Variants in ZNF469 observed in about 807,000 individuals in gnomAD.
ZNF469 encodes the protein zinc finger protein 469.
A neutral mutation model predicts 1.0 loss-of-function variants in ZNF469; 1 was observed. That is an observed-to-expected ratio of 1.00 (90% CI 0.35 to 4.73). The LOEUF is 4.73. ZNF469 is among the 30% of genes most tolerant of loss of function. The pLI is 0.16. For synonymous variants in ZNF469, 2,703 were observed against 2,363.4 expected, an observed-to-expected ratio of 1.14 and a Z score of -4.17; for missense variants, 6,100 against 5,356.3, an observed-to-expected ratio of 1.14 and a Z score of -4.33.
chr16:88,188,168 G>A, the ZNF469 span, among the ~76,000 whole-genome samples: 1 of 152,154 alleles, frequency 6.6e-6, no homozygotes, highest in African/African-American at 2.4e-5. Context: ...CTTCCTTGCT[G>A]CCCTGGACAA....
the ZNF469 span, among the ~76,000 whole-genome samples, chr16:88,354,412 G>A: frequency 1.3e-5 from 2 of 152,162 alleles, no homozygotes; most frequent in South Asian, 4.1e-4. Flanking sequence ...GGAGAGGGCT[G>A]TCTGCAGAGT....
chr16:88,417,600 G>C (rs1354404743), intron 1 of ZNF469, among the ~76,000 whole-genome samples: 1 of 152,192 alleles, frequency 6.6e-6, no homozygotes, highest in Non-Finnish European at 1.5e-5. Flanking sequence ...CCCCGCACAT[G>C]GTCCCTCTTC....
the ZNF469 span, among the ~76,000 whole-genome samples, chr16:88,110,776 G>A: frequency 1.3e-5 from 2 of 152,254 alleles, no homozygotes; most frequent in Non-Finnish European, 2.9e-5. Context: ...TGTGCGGGTT[G>A]GGCAGGTGCT....
At chr16:88,158,609 C>T in the ZNF469 span, among the ~76,000 whole-genome samples, 3 of 152,216 alleles carry the variant, frequency 2.0e-5, no homozygotes, top group Non-Finnish European at 2.9e-5. Flanking sequence ...CTGGCTGAAG[C>T]CCACTCTCAG....
At chr16:88,389,636 T>C (rs1040027106) in intron 1 of ZNF469, among the ~76,000 whole-genome samples, 1 of 152,130 alleles carries the variant, frequency 6.6e-6, no homozygotes, top group Non-Finnish European at 1.5e-5. Flanking sequence ...TTACCCCGAC[T>C]CTGTGGATGA....
the ZNF469 span, among the ~76,000 whole-genome samples, chr16:88,333,735 A>T: frequency 1.5e-5 from 2 of 132,610 alleles, no homozygotes; most frequent in Non-Finnish European, 3.3e-5. Context: ...CGGGCCCGCG[A>T]GGTGGGGCTG....
At chr16:88,296,909 T>C in the ZNF469 span, among the ~76,000 whole-genome samples, 1 of 152,160 alleles carries the variant, frequency 6.6e-6, no homozygotes, top group African/African-American at 2.4e-5. Context: ...TGCAGCACGT[T>C]GGATGCAGCT....
intron 1 of ZNF469, among the ~76,000 whole-genome samples, chr16:88,405,405 C>T (rs1279968144): frequency 3.3e-5 from 5 of 152,210 alleles, no homozygotes; most frequent in Admixed American, 2.0e-4. Context: ...CCCGTGGTGC[C>T]TCCCGGCAAC....
At position 88,434,161 on chromosome 16, in the gene ZNF469, G is replaced by C; in HGVS notation, c.6691G>C (p.Gly2231Arg). The change falls in exon 3 of 3, where the codon GGC becomes CGC. Residue 2231 changes from glycine (G) to arginine (R), a missense_variant. Physicochemically the swap from Gly to Arg is moderately radical, Grantham distance 125 (BLOSUM62 -2). Coordinates refer to ENST00000565624, the MANE Select transcript of ZNF469 (RefSeq NM_001367624.2). ...PLEDPSSWPPGSVSAVTCTHS... is the reference protein window; with the variant it reads ...PLEDPSSWPPRSVSAVTCTHS... ...GGAAGACCCTTCCTCCTGGCCTCCTGGCTCCGTCAGTGCTGTAACCTGCAC... is the reference window on the plus strand; with the variant it reads ...GGAAGACCCTTCCTCCTGGCCTCCTCGCTCCGTCAGTGCTGTAACCTGCAC... The C allele has an allele frequency of 6.5e-7, 1 of 1,550,296 alleles. No homozygotes were observed. Among genetic ancestry groups the C allele is most frequent in the Non-Finnish European group, 8.7e-7 (1 of 1,146,958 alleles).
At chr16:88,299,427 G>A in the ZNF469 span, among the ~76,000 whole-genome samples, 48 of 152,138 alleles carry the variant, frequency 3.2e-4, 1 homozygote, top group African/African-American at 9.4e-4. Flanking sequence ...TCCAGGTGCC[G>A]GCAGCACTGT....
At chr16:88,390,118 GCTC>G (rs2142264121) in intron 1 of ZNF469, among the ~76,000 whole-genome samples, 2 of 152,322 alleles carry the variant, frequency 1.3e-5, no homozygotes, top group Admixed American at 1.3e-4. Context: ...CTAGACACTG[GCTC>G]CGAACTGACA....
the ZNF469 span, among the ~76,000 whole-genome samples, chr16:88,304,215 T>G: frequency 6.6e-6 from 1 of 152,110 alleles, no homozygotes; most frequent in African/African-American, 2.4e-5. Flanking sequence ...CAGCCCTTTA[T>G]CTTATCTGGG....
Position 88,432,088 on chromosome 16 carries a change from C to G in ZNF469, c.4618C>G (p.Pro1540Ala). 1.3e-6 allele frequency: 2 copies of G among 1,550,554 alleles called. No individual in the cohort carries two copies. Among genetic ancestry groups the G allele is most frequent in the African/African-American group, 2.7e-5 (2 of 73,168 alleles). The change falls in exon 3 of 3, where the codon CCA (proline) becomes GCA (alanine). Residue 1540 changes from proline (P) to alanine (A), a missense_variant. By Grantham distance (27) the Pro-to-Ala change is conservative. Coordinates refer to ENST00000565624, the MANE Select transcript of ZNF469 (RefSeq NM_001367624.2). Reference protein sequence around the residue: ...PERTVVPGAAPSLPGKGSGCS... With the variant: ...PERTVVPGAAASLPGKGSGCS... ...ACGGACAGTGGTTCCCGGCGCCGCC[C>G]CATCTTTGCCTGGGAAGGGGAGTGG...
intron 1 of ZNF469, among the ~76,000 whole-genome samples, chr16:88,419,035 G>A (rs747177270): frequency 7.2e-5 from 11 of 152,224 alleles, no homozygotes; most frequent in African/African-American, 2.2e-4. Flanking sequence ...TGGGTGTGAT[G>A]GGCAGACACG....
chr16:88,122,914 CT>C, the ZNF469 span, among the ~76,000 whole-genome samples: 21 of 151,924 alleles, frequency 1.4e-4, no homozygotes, highest in Middle Eastern at 3.2e-3. Flanking sequence ...GCAATCATAG[CT>C]TACTACAGCC....
At chr16:88,336,744 C>T in the ZNF469 span, among the ~76,000 whole-genome samples, 1 of 152,262 alleles carries the variant, frequency 6.6e-6, no homozygotes. Context: ...ACTCATCCTT[C>T]ACATGTGCGA....
At chr16:88,213,593 G>C in the ZNF469 span, among the ~76,000 whole-genome samples, 1 of 152,158 alleles carries the variant, frequency 6.6e-6, no homozygotes, top group South Asian at 2.1e-4. Context: ...TCTTCAGAGA[G>C]TCTAAATTTC....
the ZNF469 span, among the ~76,000 whole-genome samples, chr16:88,111,036 G>C: frequency 6.6e-6 from 1 of 152,252 alleles, no homozygotes; most frequent in African/African-American, 2.4e-5. Flanking sequence ...TGCAGTCAGT[G>C]TCGAAGGCCC....
Position 88,428,313 on chromosome 16 carries a change from T to A in ZNF469, c.843T>A (p.His281Gln). The A allele has an allele frequency of 6.5e-7, 1 of 1,550,224 alleles. No individual in the cohort carries two copies. Residue 281 changes from histidine to glutamine, a missense_variant, in exon 3 of 3, where the codon CAT becomes CAA. His to Gln is a conservative substitution (Grantham distance 24, BLOSUM62 0). Transcript: ENST00000565624. Reference protein sequence around the residue: ...VSFQFPFPALHGASTKPFPAD... With the variant: ...VSFQFPFPALQGASTKPFPAD... ...TCCAGTTCCCCTTCCCGGCACTGCA[T>A]GGGGCCAGCACAAAACCCTTCCCTG...
Sources: gnomAD v4.1 joint callset for allele counts (sites outside exome capture counted in the v4.1 genomes callset) on GRCh38, gnomAD v4.1.1 for gene constraint, MANE v1.5 for transcripts, NCBI Gene and HGNC (gene_info 2026-07-23, HGNC 2026-07-21) for gene names.